PPP4R4: variants seen among roughly 807,000 people sequenced by gnomAD.
The protein encoded by PPP4R4 is protein phosphatase 4 regulatory subunit 4, also known as serine/threonine-protein phosphatase 4 regulatory subunit 4.
In PPP4R4, 70 loss-of-function variants were observed where a neutral mutation model predicts 121.8. That is an observed-to-expected ratio of 0.57 (90% CI 0.47 to 0.70). The LOEUF (loss-of-function observed/expected upper bound fraction) is 0.70. PPP4R4 is among the 30% of genes least tolerant of loss of function. The pLI is 0.00. For missense variants in PPP4R4, 875 were observed against 1,033.6 expected (o/e 0.85, Z 2.10); for synonymous variants, 348 against 355.7 (o/e 0.98, Z 0.24).
intron 3 of PPP4R4, among the ~76,000 whole-genome samples, chr14:94,210,295 CAT>C (rs905269268): frequency 5.3e-5 from 8 of 150,676 alleles, no homozygotes; most frequent in Non-Finnish European, 8.9e-5. Context: ...TCATGTATAA[CAT>C]ATTTATACAA....
intron 2 of PPP4R4, among the ~76,000 whole-genome samples, chr14:94,181,678 G>T (rs1176200608): frequency 6.6e-6 from 1 of 152,128 alleles, no homozygotes; most frequent in Non-Finnish European, 1.5e-5. Flanking sequence ...CAGTCTGAAA[G>T]CATGGTTCTA....
intron 1 of PPP4R4, among the ~76,000 whole-genome samples, chr14:94,174,984 CCA>C (rs1491275067): frequency 6.3e-5 from 9 of 143,676 alleles, no homozygotes; most frequent in Non-Finnish European, 1.4e-4. Flanking sequence ...CCCCCCCCCC[CCA>C]AAGGAGCTGC....
At chr14:94,268,256 C>T (rs1894145657) in intron 23 of PPP4R4, among the ~76,000 whole-genome samples, 1 of 152,174 alleles carries the variant, frequency 6.6e-6, no homozygotes, top group Non-Finnish European at 1.5e-5. Context: ...TATAGATGTT[C>T]ATAAGGGGTT....
chr14:94,177,930 A>G (rs1001036634), intron 2 of PPP4R4, among the ~76,000 whole-genome samples: 3 of 152,166 alleles, frequency 2.0e-5, no homozygotes, highest in African/African-American at 7.2e-5. Flanking sequence ...CCTACCTTGA[A>G]GGAGGTTTGC....
chr14:94,244,613 A>G lies in PPP4R4; in HGVS notation c.1267-22A>G, dbSNP rs755563679. 124 of 1,455,486 alleles carry G rather than the reference A, an allele frequency of 8.5e-5. 1 individual carries two copies. The highest frequency in any genetic ancestry group is 1.1e-4 in the Non-Finnish European group (122 of 1,079,598). The allele number at this position is 1,455,486 out of a possible 1,614,324, so 90.2% of individuals were successfully genotyped here. The stretch of plus-strand genomic sequence containing the variant: ...TCTGTCTAGTACTCTCAAATCTGAG[A>G]GACTTTATTGCTATATTTTAGGTAT... On this transcript the variant is annotated intron_variant, in intron 11 of 24. Transcript: ENST00000304338.
intron 3 of PPP4R4, among the ~76,000 whole-genome samples, chr14:94,221,680 A>C (rs186657132): frequency 6.6e-6 from 1 of 152,224 alleles, no homozygotes; most frequent in African/African-American, 2.4e-5. Context: ...AAAAACAAAC[A>C]AACAAAAAAA....
intron 15 of PPP4R4, 23 bp from the exon 16 acceptor site, chr14:94,251,726 A>G: frequency 1.3e-6 from 2 of 1,500,708 alleles, no homozygotes; most frequent in South Asian, 1.3e-5. Context: ...TTAACTTAAG[A>G]TAATTTTTGT....
intron 23 of PPP4R4, among the ~76,000 whole-genome samples, chr14:94,272,164 C>T (rs993553810): frequency 3.9e-5 from 6 of 152,098 alleles, no homozygotes; most frequent in African/African-American, 9.7e-5. Flanking sequence ...CAAACTGTTG[C>T]GAAGTTTACC....
chr14:94,222,121 T>G (rs1213670814), intron 3 of PPP4R4, among the ~76,000 whole-genome samples: 1 of 152,076 alleles, frequency 6.6e-6, no homozygotes, highest in Admixed American at 6.5e-5. Context: ...TAATCCAATC[T>G]CACACTGTAT....
chr14:94,195,795 C>T (rs1889841072), intron 2 of PPP4R4, among the ~76,000 whole-genome samples: 1 of 152,024 alleles, frequency 6.6e-6, no homozygotes, highest in Non-Finnish European at 1.5e-5. Flanking sequence ...CAATGTACTA[C>T]CCATAATGTA....
At chr14:94,268,385 T>G (rs536086139) in intron 23 of PPP4R4, among the ~76,000 whole-genome samples, 83 of 152,326 alleles carry the variant, frequency 5.4e-4, no homozygotes, top group African/African-American at 1.9e-3. Context: ...TCTAAATCAT[T>G]AAGAATATTG....
chr14:94,176,697 C>G (rs745455245), intron 2 of PPP4R4, among the ~76,000 whole-genome samples: 2 of 152,090 alleles, frequency 1.3e-5, no homozygotes, highest in Admixed American at 6.5e-5. Flanking sequence ...ATGGTTATTG[C>G]AAATATTTAC....
At chr14:94,271,971 A>G (rs1020628433) in intron 23 of PPP4R4, among the ~76,000 whole-genome samples, 1 of 152,200 alleles carries the variant, frequency 6.6e-6, no homozygotes, top group African/African-American at 2.4e-5. Flanking sequence ...TATGTACAAG[A>G]TCTATATAAG....
chr14:94,195,244 T>G (rs1278821962), intron 2 of PPP4R4, among the ~76,000 whole-genome samples: 1 of 152,238 alleles, frequency 6.6e-6, no homozygotes, highest in Non-Finnish European at 1.5e-5. Context: ...TAGTATCACC[T>G]GGAAACTTCT....
chr14:94,236,728 A>G (rs1892370393), intron 7 of PPP4R4, among the ~76,000 whole-genome samples: 1 of 152,218 alleles, frequency 6.6e-6, no homozygotes, highest in Non-Finnish European at 1.5e-5. Flanking sequence ...TACCCTACTG[A>G]AGAGTACAAA....
chr14:94,275,154 A>G (rs941626164), intron 23 of PPP4R4, among the ~76,000 whole-genome samples: 3 of 152,192 alleles, frequency 2.0e-5, no homozygotes, highest in African/African-American at 7.2e-5. Context: ...GGACTGTTTC[A>G]TAGTGATAGA....
At chr14:94,214,724 T>C (rs150390839) in intron 3 of PPP4R4, among the ~76,000 whole-genome samples, 2 of 152,292 alleles carry the variant, frequency 1.3e-5, no homozygotes, top group African/African-American at 2.4e-5. Context: ...TCAAGTAGCA[T>C]AGTTAAGTGA....
At chr14:94,219,250 G>GT (rs112189827) in intron 3 of PPP4R4, among the ~76,000 whole-genome samples, 1,843 of 151,758 alleles carry the variant, frequency 0.012, 46 homozygotes, top group African/African-American at 0.042. Context: ...TAATTTTTAT[G>GT]TTTTTAGTAG....
intron 3 of PPP4R4, among the ~76,000 whole-genome samples, chr14:94,218,728 C>T (rs564896883): frequency 5.2e-5 from 7 of 134,412 alleles, no homozygotes; most frequent in Non-Finnish European, 9.7e-5. Context: ...CCCCTAGACA[C>T]CGCACGTGCG....
Sources: gnomAD v4.1 joint callset for allele counts (sites outside exome capture counted in the v4.1 genomes callset) on GRCh38, gnomAD v4.1.1 for gene constraint, MANE v1.5 for transcripts, NCBI Gene and HGNC (gene_info 2026-07-23, HGNC 2026-07-21) for gene names.